Variants in CMC2 observed in about 807,000 individuals in gnomAD.
CMC2 encodes the protein C-X9-C motif containing 2.
In CMC2, 5 loss-of-function variants were observed where a neutral mutation model predicts 7.5. The ratio of observed to expected loss-of-function variants is 0.66; its 90% CI spans 0.35 to 1.40. The LOEUF (loss-of-function observed/expected upper bound fraction) is 1.40, where lower values mean the gene tolerates loss of function less well. Ranked by LOEUF, CMC2 falls within the 40% of genes most tolerant of loss-of-function variation. CMC2 has a pLI of 0.04. For synonymous variants in CMC2, 37 were observed against 31.4 expected (o/e 1.18, Z -0.60); for missense variants, 115 against 92.3 (o/e 1.25, Z -1.01).
intron 2 of CMC2, among the ~76,000 whole-genome samples, chr16:80,993,252 A>C (rs1317771492): frequency 6.6e-6 from 1 of 152,212 alleles, no homozygotes; most frequent in Non-Finnish European, 1.5e-5. Context: ...CAGGACTGTG[A>C]TAACTGAAAG....
intron 1 of CMC2, among the ~76,000 whole-genome samples, chr16:81,005,456 A>G (rs990074001): frequency 6.7e-6 from 1 of 149,002 alleles, no homozygotes; most frequent in African/African-American, 2.4e-5. Context: ...ATAACATAAA[A>G]CATTTTTAAG....
Position 80,976,944 on chromosome 16 carries a change from C to T in CMC2, c.154-765G>A, listed in dbSNP as rs572699020. Among the ~76,000 whole-genome samples the T allele has an allele frequency of 2.0e-5, 3 of 152,066 alleles. No individual in the cohort carries two copies. The South Asian group carries it at 6.2e-4, about 32-fold the overall frequency. On this transcript the variant is annotated intron_variant, in intron 3 of 3. Coordinates refer to ENST00000219400, the MANE Select transcript of CMC2 (RefSeq NM_020188.5). Reference sequence around the variant, plus strand: ...TTCATAAAGCACTTTAACATTAATGCCCCTTACCAAAAAAAAAAATCACAA... The same window carrying T: ...TTCATAAAGCACTTTAACATTAATGTCCCTTACCAAAAAAAAAAATCACAA...
In CMC2 at chr16:80,971,501, C is replaced by T. The variant is rs1257746248; in HGVS notation, c.*4592G>A. On this transcript the variant is annotated 3_prime_UTR_variant, in exon 4 of 4. Transcript: ENST00000219400. ...AAAGGCTACACACATCATGACGCCT[C>T]CTAAGTAAAATGACTAAACATGCAA... 7.1e-6 allele frequency: 1 copy of T among 140,132 alleles called. No individual in the cohort carries two copies. The highest frequency in any genetic ancestry group is 1.5e-5 in the Non-Finnish European group (1 of 66,160). The allele number at this position is 140,132 out of a possible 1,614,324, so 8.7% of individuals were successfully genotyped here.
At chr16:81,005,826 A>G (rs1254416403) in intron 1 of CMC2, among the ~76,000 whole-genome samples, 2 of 152,222 alleles carry the variant, frequency 1.3e-5, no homozygotes, top group Non-Finnish European at 1.5e-5. Context: ...TTTCAGAGGA[A>G]AATACTCGTT....
At position 80,971,461 on chromosome 16, in the gene CMC2, A is replaced by G. The variant is rs1911906743; in HGVS notation, c.*4632T>C. 1 of 151,132 alleles carries G rather than the reference A, an allele frequency of 6.6e-6. No homozygotes were observed. The highest frequency in any genetic ancestry group is 1.5e-5 in the Non-Finnish European group (1 of 67,858). 9.4% of individuals were successfully genotyped at this position (151,132 alleles called of 1,614,324 possible). A position where few individuals can be genotyped will look rare whatever the true frequency, so the allele number is the denominator to read the frequency against. On this transcript the variant is annotated 3_prime_UTR_variant, in exon 4 of 4. Coordinates refer to ENST00000219400, the MANE Select transcript of CMC2 (RefSeq NM_020188.5). Reference sequence around the variant, plus strand: ...AACATAGTATTTTTTTTTTAAAAAAAAAAGGTACGCTACCAAAGGCTACAC... The same window carrying G: ...AACATAGTATTTTTTTTTTAAAAAAGAAAGGTACGCTACCAAAGGCTACAC...
intron 3 of CMC2, 30 bp from the exon 4 acceptor site, chr16:80,976,209 GAA>G (rs1567502509): frequency 8.4e-7 from 1 of 1,184,134 alleles, no homozygotes; most frequent in South Asian, 1.3e-5. Flanking sequence ...GGGGAGAAAA[GAA>G]ACAGCAGATT....
rs1912084701 is a variant in CMC2, at chr16:80,973,645, C to G, written c.*2448G>C. ...AAGTTCCCTGAGGTGATGTCCAAGG[C>G]CTGTGTGTTCTGGCCCTGCCCACCT... On this transcript the variant is annotated 3_prime_UTR_variant, in exon 4 of 4. Coordinates refer to ENST00000219400, the MANE Select transcript of CMC2 (RefSeq NM_020188.5). 1 of 152,216 alleles carries G rather than the reference C, an allele frequency of 6.6e-6. No homozygotes were observed. The allele number at this position is 152,216 out of a possible 1,614,324, so 9.4% of individuals were successfully genotyped here.
At chr16:80,997,051 G>T (rs536406931) in intron 2 of CMC2, 6 of 528,620 alleles carry the variant, frequency 1.1e-5, no homozygotes, top group African/African-American at 1.9e-5. Flanking sequence ...GCATTTTATT[G>T]TAAGAACATG....
chr16:80,995,721 C>G (rs1162147712), intron 2 of CMC2, among the ~76,000 whole-genome samples: 1 of 152,088 alleles, frequency 6.6e-6, no homozygotes, highest in East Asian at 1.9e-4. Context: ...CAAAATTCAT[C>G]TATATCAACA....
rs1911846546 is a variant in CMC2 at position 80,970,581 on chromosome 16, G to C, written c.*5512C>G. The C allele has an allele frequency of 6.6e-6, 1 of 152,130 alleles. No homozygotes were observed. 9.4% of individuals were successfully genotyped at this position (152,130 alleles called of 1,614,324 possible). A position where few individuals can be genotyped will look rare whatever the true frequency, so the allele number is the denominator to read the frequency against. ...TTAAACATTATACTGAATGTTCTAAGTACAATAAAATAAGGAAGTATAAAC... is the reference window on the plus strand; with the variant it reads ...TTAAACATTATACTGAATGTTCTAACTACAATAAAATAAGGAAGTATAAAC... On this transcript the variant is annotated 3_prime_UTR_variant, in exon 4 of 4. Coordinates refer to ENST00000219400, the MANE Select transcript of CMC2 (RefSeq NM_020188.5).
At chr16:80,991,545 A>G (rs933626951) in intron 2 of CMC2, among the ~76,000 whole-genome samples, 2 of 151,832 alleles carry the variant, frequency 1.3e-5, no homozygotes, top group Non-Finnish European at 2.9e-5. Context: ...GGAGGGTGAG[A>G]TGAGAGGATC....
chr16:80,987,194 C>T (rs1009726443), intron 2 of CMC2, among the ~76,000 whole-genome samples: 1 of 151,954 alleles, frequency 6.6e-6, no homozygotes, highest in Non-Finnish European at 1.5e-5. Flanking sequence ...CTGAAAGGGA[C>T]GCTAACACAA....
chr16:81,004,930 G>A lies in CMC2; in HGVS notation c.-36+1804C>T, dbSNP rs1329362730. On this transcript the variant is annotated intron_variant, in intron 1 of 3. Transcript: ENST00000219400. ...CACTTCAGCAAATCTATAATCACAA[G>A]GAAGAACCCTGTATTTTAATGCCAG... is the stretch of plus-strand genomic sequence containing the variant. Among the ~76,000 whole-genome samples, 3 of 152,184 alleles carry A rather than the reference G, an allele frequency of 2.0e-5. No individual in the cohort carries two copies. In the East Asian group the frequency reaches 5.8e-4, roughly 29 times the overall value.
chr16:80,987,331 T>C (rs997548770), intron 2 of CMC2, among the ~76,000 whole-genome samples: 1 of 152,176 alleles, frequency 6.6e-6, no homozygotes, highest in Non-Finnish European at 1.5e-5. Context: ...AATTTTTAAA[T>C]GGTGGAAAAA....
rs1912010943 is a variant in CMC2 at position 80,972,650 on chromosome 16, G to C, written c.*3443C>G. On this transcript the variant is annotated 3_prime_UTR_variant, in exon 4 of 4. Transcript: ENST00000219400. ...AGGTTCACAACATTCTGCAAAACTA[G>C]ATTTCTCAGGAAAACCTTGGCCTAA... 6.6e-6 allele frequency: 1 copy of C among 152,150 alleles called. No individual in the cohort carries two copies. Among genetic ancestry groups the C allele is most frequent in the Admixed American group, 6.5e-5 (1 of 15,278 alleles). 9.4% of individuals were successfully genotyped at this position (152,150 alleles called of 1,614,324 possible).
intron 1 of CMC2, among the ~76,000 whole-genome samples, chr16:81,005,437 T>A (rs1216649348): frequency 1.3e-5 from 2 of 150,482 alleles, no homozygotes; most frequent in Non-Finnish European, 3.0e-5. Context: ...TATATATATA[T>A]ATAAATAAAT....
rs553650420 is a variant in CMC2 at position 80,969,367 on chromosome 16, T to C, written c.*6726A>G. ...CCGAAGAACCCAAAACAACAGATAT[T>C]CACTGCAAAGCCCGGAGGGCCAATT... On this transcript the variant is annotated 3_prime_UTR_variant, in exon 4 of 4. Transcript: ENST00000219400. 17 of 152,338 alleles carry C rather than the reference T, an allele frequency of 1.1e-4. No individual in the cohort carries two copies. The highest frequency in any genetic ancestry group is 3.6e-4 in the African/African-American group (15 of 41,526). The allele number at this position is 152,338 out of a possible 1,614,324, so 9.4% of individuals were successfully genotyped here.
intron 2 of CMC2, among the ~76,000 whole-genome samples, chr16:80,986,063 A>G (rs961449192): frequency 6.6e-6 from 1 of 152,140 alleles, no homozygotes; most frequent in East Asian, 1.9e-4. Flanking sequence ...AAAGGTGACA[A>G]TGAGCCAGGT....
rs555488563 is a variant in CMC2, at chr16:80,967,189, C to T, written c.*8904G>A. The T allele has an allele frequency of 6.6e-6, 1 of 152,180 alleles. No individual in the cohort carries two copies. Among genetic ancestry groups the T allele is most frequent in the African/African-American group, 2.4e-5 (1 of 41,438 alleles). The allele number at this position is 152,180 out of a possible 1,614,324, so 9.4% of individuals were successfully genotyped here. A position where few individuals can be genotyped will look rare whatever the true frequency, so the allele number is the denominator to read the frequency against. On this transcript the variant is annotated 3_prime_UTR_variant, in exon 4 of 4. Coordinates refer to ENST00000219400, the MANE Select transcript of CMC2 (RefSeq NM_020188.5). ...CAGAGAGCTTTCAGTCTACACATAACCTGAATTCCATGTATCATGAACTTG... is the reference window on the plus strand; with the variant it reads ...CAGAGAGCTTTCAGTCTACACATAATCTGAATTCCATGTATCATGAACTTG...
Sources: gnomAD v4.1 joint callset for allele counts (sites outside exome capture counted in the v4.1 genomes callset) on GRCh38, gnomAD v4.1.1 for gene constraint, MANE v1.5 for transcripts, NCBI Gene and HGNC (gene_info 2026-07-23, HGNC 2026-07-21) for gene names.